COL5A2: variants seen among roughly 807,000 people sequenced by gnomAD.
COL5A2 encodes collagen type V alpha 2 chain, also known as collagen alpha-2(V) chain.
Under a neutral mutation model 208.2 loss-of-function variants are expected in COL5A2, and 23 were observed. That is an observed-to-expected ratio of 0.11 (90% CI 0.08 to 0.16). The LOEUF is 0.16. Ranked by LOEUF, COL5A2 falls within the 10% of genes least tolerant of loss-of-function variation. The pLI is 1.00. For synonymous variants in COL5A2, 625 were observed against 628.5 expected (o/e 0.99, Z 0.08); for missense variants, 1,590 against 1,956.4 (o/e 0.81, Z 3.53).
intron 6 of COL5A2, among the ~76,000 whole-genome samples, chr2:189,095,483 C>G (rs1277092131): frequency 6.6e-6 from 1 of 152,008 alleles, no homozygotes; most frequent in Non-Finnish European, 1.5e-5. Flanking sequence ...TTCTCCCTCT[C>G]TCTCTCTCGC....
chr2:189,313,607 G>A, the COL5A2 span, among the ~76,000 whole-genome samples: 1 of 152,114 alleles, frequency 6.6e-6, no homozygotes, highest in Non-Finnish European at 1.5e-5. Context: ...AACCTTAAAT[G>A]TAAATAGGAT....
the COL5A2 span, among the ~76,000 whole-genome samples, chr2:189,263,893 T>C: frequency 6.6e-6 from 1 of 152,138 alleles, no homozygotes; most frequent in Non-Finnish European, 1.5e-5. Context: ...TTTCTCAAAA[T>C]ATATCTCCAT....
the COL5A2 span, among the ~76,000 whole-genome samples, chr2:189,399,144 G>A: frequency 6.6e-6 from 1 of 151,696 alleles, no homozygotes; most frequent in Non-Finnish European, 1.5e-5. Context: ...CTTTCAATAG[G>A]GATTATTTTC....
intron 53 of COL5A2, 107 bp downstream of exon 53, chr2:189,034,809 C>T: frequency 7.8e-7 from 1 of 1,285,322 alleles, no homozygotes; most frequent in Non-Finnish European, 1.1e-6. Flanking sequence ...TGCTATTATG[C>T]TCATATACAA....
the COL5A2 span, among the ~76,000 whole-genome samples, chr2:189,342,870 C>A: frequency 1.3e-5 from 2 of 151,938 alleles, no homozygotes; most frequent in African/African-American, 2.4e-5. Flanking sequence ...AAAATTGACT[C>A]CCTGCTAAAT....
intron 1 of COL5A2, among the ~76,000 whole-genome samples, chr2:189,168,234 C>A: frequency 1.0e-5 from 1 of 100,048 alleles, no homozygotes; most frequent in Admixed American, 1.2e-4. Flanking sequence ...CCACTGTGCC[C>A]GGGTTTTTTT....
the COL5A2 span, among the ~76,000 whole-genome samples, chr2:189,403,037 C>T: frequency 6.6e-6 from 1 of 152,164 alleles, no homozygotes; most frequent in Admixed American, 6.5e-5. Context: ...TCTTCCTATC[C>T]ATGAGCATGG....
chr2:189,091,080 A>G (rs1686774452), intron 7 of COL5A2, among the ~76,000 whole-genome samples: 1 of 152,286 alleles, frequency 6.6e-6, no homozygotes, highest in South Asian at 2.1e-4. Flanking sequence ...AACATTCTTA[A>G]TTGATTGGTG....
At chr2:189,130,380 T>C (rs549675434) in intron 1 of COL5A2, among the ~76,000 whole-genome samples, 2 of 152,194 alleles carry the variant, frequency 1.3e-5, no homozygotes, top group East Asian at 3.9e-4. Flanking sequence ...CTGATTTATT[T>C]AACAATGATT....
chr2:189,293,283 G>A, the COL5A2 span, among the ~76,000 whole-genome samples: 135 of 152,076 alleles, frequency 8.9e-4, no homozygotes, highest in Non-Finnish European at 1.5e-3. Context: ...AAGAGCCTGC[G>A]TGCACTGTGC....
intron 1 of COL5A2, among the ~76,000 whole-genome samples, chr2:189,215,656 A>T (rs1485105181): frequency 6.6e-6 from 1 of 152,020 alleles, no homozygotes. Context: ...GAAAAAACAA[A>T]ATATATATAT....
chr2:189,357,454 C>T, the COL5A2 span, among the ~76,000 whole-genome samples: 1 of 152,122 alleles, frequency 6.6e-6, no homozygotes, highest in Non-Finnish European at 1.5e-5. Flanking sequence ...GCTGCAGCGG[C>T]CTTGCTGAGC....
At chr2:189,067,020 T>C (rs896443295) in intron 21 of COL5A2, among the ~76,000 whole-genome samples, 1 of 152,194 alleles carries the variant, frequency 6.6e-6, no homozygotes, top group Non-Finnish European at 1.5e-5. Context: ...AAGAGATTTA[T>C]TTTTAAAATC....
chr2:189,090,127 T>C (rs1258413776), intron 7 of COL5A2, among the ~76,000 whole-genome samples: 1 of 152,170 alleles, frequency 6.6e-6, no homozygotes, highest in East Asian at 1.9e-4. Flanking sequence ...GGAAAAGTTC[T>C]TAAAAAATTA....
At chr2:189,305,549 C>T in the COL5A2 span, among the ~76,000 whole-genome samples, 1 of 152,176 alleles carries the variant, frequency 6.6e-6, no homozygotes, top group Non-Finnish European at 1.5e-5. Flanking sequence ...GCACATTGAT[C>T]TAGAACTTCC....
At chr2:189,153,203 T>C (rs1576559427) in intron 1 of COL5A2, among the ~76,000 whole-genome samples, 1 of 152,186 alleles carries the variant, frequency 6.6e-6, no homozygotes, top group Non-Finnish European at 1.5e-5. Flanking sequence ...GAAAATGTAT[T>C]TTTCCTAACT....
the COL5A2 span, among the ~76,000 whole-genome samples, chr2:189,415,557 A>T: frequency 6.6e-6 from 1 of 152,134 alleles, no homozygotes; most frequent in Non-Finnish European, 1.5e-5. Flanking sequence ...GTAATTGTCA[A>T]CTTCACCTTT....
chr2:189,257,902 C>T, the COL5A2 span, among the ~76,000 whole-genome samples: 211 of 152,224 alleles, frequency 1.4e-3, no homozygotes, highest in Non-Finnish European at 2.5e-3. Context: ...ATCACGAGGT[C>T]AGGAGATCGA....
intron 17 of COL5A2, among the ~76,000 whole-genome samples, chr2:189,074,999 TA>T (rs1489779696): frequency 6.6e-6 from 1 of 152,208 alleles, no homozygotes; most frequent in Non-Finnish European, 1.5e-5. Context: ...ATGGTAAGTA[TA>T]ACCCTTCATG....
Sources: gnomAD v4.1 joint callset for allele counts (sites outside exome capture counted in the v4.1 genomes callset) on GRCh38, gnomAD v4.1.1 for gene constraint, MANE v1.5 for transcripts, NCBI Gene and HGNC (gene_info 2026-07-23, HGNC 2026-07-21) for gene names.